Variants in RFX2 observed in about 807,000 individuals in gnomAD.
The protein encoded by RFX2 is DNA-binding protein RFX2.
RFX2 carries 20 observed loss-of-function variants against 87.8 expected under a neutral mutation model. The ratio of observed to expected loss-of-function variants is 0.23; its 90% CI spans 0.16 to 0.33. RFX2 has a LOEUF of 0.33. RFX2 is among the 10% of genes least tolerant of loss of function. The probability of loss-of-function intolerance (pLI) is 1.00; values close to 1 mark genes in which losing one functional copy is unlikely to be tolerated. For missense variants in RFX2, 767 were observed against 1,012.3 expected (o/e 0.76, Z 3.29); for synonymous variants, 397 against 431.3 (o/e 0.92, Z 0.98).
chr19:6,053,047 AAACTT>A (rs1184135601), intron 1 of RFX2, among the ~76,000 whole-genome samples: 7 of 152,170 alleles, frequency 4.6e-5, no homozygotes, highest in Non-Finnish European at 1.0e-4. Flanking sequence ...CAAACAAACT[AAACTT>A]AATAGAAAGA....
rs942442959 is a variant in RFX2, at chr19:6,045,659, T to C, written c.91-1377A>G. Among the ~76,000 whole-genome samples the C allele has an allele frequency of 8.8e-5, 13 of 148,176 alleles. No individual in the cohort carries two copies. The highest frequency in any genetic ancestry group is 3.3e-4 in the African/African-American group (13 of 38,920). The stretch of plus-strand genomic sequence containing the variant: ...GCCTTTTTGTTTTTGCGGAATTGTG[T>C]TTTTTTGTTTTTGTTTTTTTGTGTT... On this transcript the variant is annotated intron_variant, in intron 2 of 17. Transcript: ENST00000303657. The surrounding 1 kb of genome is among the most constrained non-coding windows in gnomAD (Gnocchi z 5.2).
chr19:6,072,329 A>C (rs1328745675), intron 1 of RFX2, among the ~76,000 whole-genome samples: 1 of 152,216 alleles, frequency 6.6e-6, no homozygotes, highest in African/African-American at 2.4e-5. Context: ...TTGGCGGCCC[A>C]AGTATCCACC....
In RFX2 at chr19:6,021,462, C is replaced by T. The variant is rs2086809551; in HGVS notation, c.597+4701G>A. Among the ~76,000 whole-genome samples the T allele has an allele frequency of 2.6e-5, 4 of 152,100 alleles. No homozygotes were observed. Among genetic ancestry groups the T allele is most frequent in the Admixed American group, 6.6e-5 (1 of 15,266 alleles). On this transcript the variant is annotated intron_variant, in intron 6 of 17. Coordinates refer to ENST00000303657, the MANE Select transcript of RFX2 (RefSeq NM_000635.4). The surrounding 1 kb of genome is among the most constrained non-coding windows in gnomAD (Gnocchi z 5.7). ...CACCTGGGAAAGGGGATGGGGTCGC[C>T]GCCACGGAGGGACTGGAGGGAGGAC...
chr19:6,068,419 G>A (rs2087544126), intron 1 of RFX2: 1 of 152,152 alleles, frequency 6.6e-6, no homozygotes, highest in African/African-American at 2.4e-5. Context: ...CAGTAAACAA[G>A]GTAAGTGAGA....
chr19:6,031,029 A>G (rs2086947195), intron 5 of RFX2, among the ~76,000 whole-genome samples: 2 of 152,208 alleles, frequency 1.3e-5, no homozygotes. Flanking sequence ...TGGCAGACAC[A>G]ACTCCAAAAT....
At chr19:6,081,866 T>A (rs2087790047) in intron 1 of RFX2, among the ~76,000 whole-genome samples, 1 of 152,194 alleles carries the variant, frequency 6.6e-6, no homozygotes, top group Non-Finnish European at 1.5e-5. Context: ...GGCGGGCAGA[T>A]CATGAGGTCA....
Position 6,056,913 on chromosome 19 carries a change from C to T in RFX2, c.-8-9409G>A, listed in dbSNP as rs1239825463. Among the ~76,000 whole-genome samples, 2 of 152,206 alleles carry T rather than the reference C, an allele frequency of 1.3e-5. No individual in the cohort carries two copies. The highest frequency in any genetic ancestry group is 3.8e-4 in the East Asian group (2 of 5,196). On this transcript the variant is annotated intron_variant, in intron 1 of 17. Transcript: ENST00000303657. The surrounding 1 kb of genome is among the most constrained non-coding windows in gnomAD (Gnocchi z 4.6). ...ACACGACCTGTCACCCAGCCTGGCC[C>T]TGCCTGGCCAACGGGCTTGGCTGGC...
At chr19:6,069,799 A>G (rs1288685497) in intron 1 of RFX2, among the ~76,000 whole-genome samples, 1 of 152,204 alleles carries the variant, frequency 6.6e-6, no homozygotes, top group Non-Finnish European at 1.5e-5. Context: ...AGAACTGGAG[A>G]CAGGAGGACC....
chr19:6,083,064 C>A lies in RFX2; in HGVS notation c.-9+27329G>T, dbSNP rs1298479383. Among the ~76,000 whole-genome samples, 2 of 152,118 alleles carry A rather than the reference C, an allele frequency of 1.3e-5. No individual in the cohort carries two copies. The highest frequency in any genetic ancestry group is 2.1e-4 in the South Asian group (1 of 4,818). The stretch of plus-strand genomic sequence containing the variant: ...AGGGAGTACGGGCACGTGCCACTAC[C>A]CCCAGCTAATTTTTGTATTGTTTGT... On this transcript the variant is annotated intron_variant, in intron 1 of 17. Transcript: ENST00000303657. This position sits in a 1 kb window ranked among gnomAD's most constrained non-coding sequence, Gnocchi z 4.6.
intron 1 of RFX2, chr19:6,078,216 G>C (rs973531099): frequency 6.6e-6 from 1 of 151,674 alleles, no homozygotes; most frequent in East Asian, 1.9e-4. Flanking sequence ...GCAGGTTCAG[G>C]GTTTCTTCTT....
In RFX2 at chr19:6,034,227, ATT is replaced by A. The variant is rs1167004611; in HGVS notation, c.522+5751_522+5752del. Reference sequence around the variant, plus strand: ...CTGGGACTACAGACACACACTGCTAATTTTTTTTTTTTTTTTTTTTGAGACGG... The same window carrying A: ...CTGGGACTACAGACACACACTGCTAATTTTTTTTTTTTTTTTTTGAGACGG... On this transcript the variant is annotated intron_variant, in intron 5 of 17. Coordinates refer to ENST00000303657, the MANE Select transcript of RFX2 (RefSeq NM_000635.4). Among the ~76,000 whole-genome samples the A allele has an allele frequency of 5.4e-3, 640 of 117,544 alleles. 5 individuals are homozygous for A. Among genetic ancestry groups the A allele is most frequent in the African/African-American group, 0.02 (590 of 30,158 alleles). The allele number at this position is 117,544 out of a possible 152,430, so 77.1% of individuals were successfully genotyped here.
rs774896011 is a variant in RFX2 at position 6,040,087 on chromosome 19, C to T, written c.415G>A (p.Val139Ile). Residue 139 changes from valine (V) to isoleucine (I), a missense_variant, in exon 5 of 18, where the codon GTC becomes ATC. Physicochemically the swap from Val to Ile is conservative, Grantham distance 29. This residue lies in a region of RFX2 where 621 missense variants were observed against 873.0 expected (regional missense o/e 0.71). Transcript: ENST00000303657. The surrounding 1 kb of genome is among the most constrained non-coding windows in gnomAD (Gnocchi z 6.1). The stretch of plus-strand genomic sequence containing the variant: ...CTGGAGACGATGGGGCTCCCCCCGA[C>T]ATCCATGGTGATGCCCACCATGCTG... ...SHSMVGITMD[V>I]GGSPIVSSAG... 4 of 1,612,316 alleles carry T rather than the reference C, an allele frequency of 2.5e-6. No individual in the cohort carries two copies. The highest frequency in any genetic ancestry group is 3.4e-6 in the Non-Finnish European group (4 of 1,179,700).
Position 6,044,058 on chromosome 19 carries a change from T to A in RFX2, c.180+135A>T, listed in dbSNP as rs1354512644. ...TAAAATTGCACAGCTTCTGGAAAAG[T>A]CTTTTGGCTAAGAAACTGAAGCTTA... On this transcript the variant is annotated intron_variant, in intron 3 of 17. Transcript: ENST00000303657. The surrounding 1 kb of genome is among the most constrained non-coding windows in gnomAD (Gnocchi z 5.3). The A allele has an allele frequency of 2.8e-5, 13 of 457,710 alleles. No homozygotes were observed. The highest frequency in any genetic ancestry group is 4.4e-5 in the Non-Finnish European group (12 of 272,894). 28.4% of individuals were successfully genotyped at this position (457,710 alleles called of 1,614,324 possible).
chr19:6,074,883 G>A lies in RFX2; in HGVS notation c.-8-27379C>T, dbSNP rs904319552. On this transcript the variant is annotated intron_variant, in intron 1 of 17. Coordinates refer to ENST00000303657, the MANE Select transcript of RFX2 (RefSeq NM_000635.4). This position sits in a 1 kb window ranked among gnomAD's most constrained non-coding sequence, Gnocchi z 5.2. ...CACCAGAGGGAGCTGGGGGAATGCT[G>A]GGGGTTGAATGTTGTGTCCCCTTAA... Among the ~76,000 whole-genome samples the A allele has an allele frequency of 6.6e-6, 1 of 152,142 alleles. No individual in the cohort carries two copies. Among genetic ancestry groups the A allele is most frequent in the Non-Finnish European group, 1.5e-5 (1 of 68,026 alleles).
chr19:6,010,592 G>A lies in RFX2; in HGVS notation c.900-341C>T, dbSNP rs1401330127. 1.3e-5 allele frequency among the ~76,000 whole-genome samples: 2 copies of A among 152,060 alleles called. No homozygotes were observed. The highest frequency in any genetic ancestry group is 6.6e-5 in the Admixed American group (1 of 15,250). On this transcript the variant is annotated intron_variant, in intron 8 of 17. Transcript: ENST00000303657. The surrounding 1 kb of genome is among the most constrained non-coding windows in gnomAD (Gnocchi z 5.0). ...GACTTCCCGTCTCTGTGAATCTGAC[G>A]ACTCTAGGGACCTCCTAGGAGTGGG... is the stretch of plus-strand genomic sequence containing the variant.
intron 1 of RFX2, among the ~76,000 whole-genome samples, chr19:6,086,000 G>A (rs1401437718): frequency 6.6e-6 from 1 of 151,206 alleles, no homozygotes; most frequent in Non-Finnish European, 1.5e-5. Context: ...GCAGAAGCAG[G>A]AGGATCTCTT....
intron 1 of RFX2, among the ~76,000 whole-genome samples, chr19:6,077,409 C>A (rs1355677940): frequency 1.3e-5 from 2 of 152,186 alleles, no homozygotes; most frequent in African/African-American, 2.4e-5. Flanking sequence ...GGCTCTGCCA[C>A]TGCCTCCCCC....
Position 6,026,581 on chromosome 19 carries a change from T to A in RFX2, c.523-344A>T. The A allele has an allele frequency of 3.1e-6, 1 of 323,362 alleles. No individual in the cohort carries two copies. The highest frequency in any genetic ancestry group is 5.8e-6 in the Non-Finnish European group (1 of 171,510). The allele number at this position is 323,362 out of a possible 1,614,324, so 20.0% of individuals were successfully genotyped here. On this transcript the variant is annotated intron_variant, in intron 5 of 17. Coordinates refer to ENST00000303657, the MANE Select transcript of RFX2 (RefSeq NM_000635.4). This position sits in a 1 kb window ranked among gnomAD's most constrained non-coding sequence, Gnocchi z 4.5. ...TGCAGCCACTGCATCCATTCCAGTG[T>A]CAGCCAAGCCAGCATCATAGTCACC...
chr19:6,043,480 AG>A (rs1420963465), intron 3 of RFX2, among the ~76,000 whole-genome samples: 1 of 152,216 alleles, frequency 6.6e-6, no homozygotes, highest in Admixed American at 6.5e-5. Flanking sequence ...ACTTTAATTC[AG>A]GATTCTGCAG....
Sources: allele counts gnomAD v4.1 joint callset (sites outside exome capture counted in the v4.1 genomes callset), GRCh38; gene constraint gnomAD v4.1.1; regional missense constraint gnomAD v4.1.1; non-coding constraint Gnocchi (gnomAD v3.1); transcripts MANE v1.5; gene names NCBI Gene and HGNC (gene_info 2026-07-23, HGNC 2026-07-21).